The following GPC6 variants were observed in gnomAD, a reference collection of about 807,000 sequenced individuals.
The protein encoded by GPC6 is glypican-6.
GPC6 carries 14 observed loss-of-function variants against 55.2 expected under a neutral mutation model. That is an observed-to-expected ratio of 0.25 (90% confidence interval 0.17 to 0.40). GPC6 has a LOEUF of 0.40. Ranked by LOEUF, GPC6 falls within the 10% of genes least tolerant of loss-of-function variation. GPC6 has a pLI of 1.00. For missense variants in GPC6, 641 were observed against 708.5 expected (o/e 0.90, Z 1.08); for synonymous variants, 278 against 259.6 (o/e 1.07, Z -0.68).
intron 3 of GPC6, among the ~76,000 whole-genome samples, chr13:93,932,999 G>A (rs1186460806): frequency 1.9e-5 from 2 of 107,304 alleles, no homozygotes; most frequent in South Asian, 6.3e-4. Flanking sequence ...TTTTTCTGGA[G>A]TTTCTAAAGG....
At chr13:93,833,116 A>T (rs1439348665) in intron 3 of GPC6, among the ~76,000 whole-genome samples, 42 of 53,646 alleles carry the variant, frequency 7.8e-4, no homozygotes, top group African/African-American at 5.8e-3. Context: ...ATAGAGAGAG[A>T]GAGAGAGAGA....
At chr13:94,327,443 AGCTGT>A (rs1877183051) in intron 6 of GPC6, among the ~76,000 whole-genome samples, 1 of 152,072 alleles carries the variant, frequency 6.6e-6, no homozygotes, top group Non-Finnish European at 1.5e-5. Context: ...TCTACCTCAC[AGCTGT>A]GGCTTCTCTC....
intron 1 of GPC6, among the ~76,000 whole-genome samples, chr13:93,383,208 C>CA (rs1196172543): frequency 5.9e-5 from 9 of 152,098 alleles, no homozygotes; most frequent in Admixed American, 2.0e-4. Context: ...ATCTGAAAAA[C>CA]AAATCTCCAT....
intron 6 of GPC6, among the ~76,000 whole-genome samples, chr13:94,311,569 C>T (rs2139118403): frequency 6.6e-6 from 1 of 152,322 alleles, no homozygotes. Context: ...GTGCAGCACA[C>T]CTGTGACATC....
intron 3 of GPC6, among the ~76,000 whole-genome samples, chr13:93,928,905 G>GGT (rs1878007348): frequency 8.4e-6 from 1 of 119,622 alleles, no homozygotes; most frequent in Non-Finnish European, 1.7e-5. Flanking sequence ...CTATATAGTA[G>GGT]GTGTGTGTGT....
At chr13:93,726,172 T>TA (rs1883633308) in intron 2 of GPC6, among the ~76,000 whole-genome samples, 1 of 147,378 alleles carries the variant, frequency 6.8e-6, no homozygotes, top group Admixed American at 6.9e-5. Flanking sequence ...AATGCCCACT[T>TA]ATGGAGGCTA....
intron 5 of GPC6, among the ~76,000 whole-genome samples, chr13:94,286,818 C>T (rs1251438413): frequency 2.6e-5 from 4 of 152,158 alleles, no homozygotes; most frequent in Non-Finnish European, 4.4e-5. Flanking sequence ...TGCACACCCT[C>T]GCCCTGTTCT....
chr13:93,926,921 T>A (rs1877890026), intron 3 of GPC6, among the ~76,000 whole-genome samples: 1 of 152,160 alleles, frequency 6.6e-6, no homozygotes, highest in Non-Finnish European at 1.5e-5. Context: ...AGTGAGCCCA[T>A]TGCTAATGAT....
intron 1 of GPC6, among the ~76,000 whole-genome samples, chr13:93,462,221 C>T (rs1878717094): frequency 6.6e-6 from 1 of 152,094 alleles, no homozygotes; most frequent in Non-Finnish European, 1.5e-5. Context: ...AAGATTCCAT[C>T]CTTCATCATC....
At chr13:93,457,444 T>C (rs1438489207) in intron 1 of GPC6, among the ~76,000 whole-genome samples, 1 of 152,176 alleles carries the variant, frequency 6.6e-6, no homozygotes, top group Non-Finnish European at 1.5e-5. Flanking sequence ...TAATGTAGGT[T>C]ATTCTGTGAT....
At chr13:93,848,455 C>T (rs1248070343) in intron 3 of GPC6, among the ~76,000 whole-genome samples, 1 of 152,090 alleles carries the variant, frequency 6.6e-6, no homozygotes, top group Non-Finnish European at 1.5e-5. Context: ...CTGTTGCCAC[C>T]TTAAGGCAAC....
At chr13:93,417,796 A>G (rs1022628951) in intron 1 of GPC6, among the ~76,000 whole-genome samples, 1 of 152,102 alleles carries the variant, frequency 6.6e-6, no homozygotes, top group Non-Finnish European at 1.5e-5. Context: ...AAAAATCTAT[A>G]TATGGATAAA....
chr13:94,024,790 CA>C (rs1160569153), intron 3 of GPC6, among the ~76,000 whole-genome samples: 1 of 152,038 alleles, frequency 6.6e-6, no homozygotes. Context: ...TGAATGCAAT[CA>C]ATAGCCTTTG....
At chr13:93,417,562 A>G (rs776598128) in intron 1 of GPC6, among the ~76,000 whole-genome samples, 4 of 152,066 alleles carry the variant, frequency 2.6e-5, no homozygotes, top group Non-Finnish European at 5.9e-5. Flanking sequence ...TTCTTTCATG[A>G]AATAACCAAA....
At chr13:93,265,228 A>C (rs563708452) in intron 1 of GPC6, among the ~76,000 whole-genome samples, 1 of 152,364 alleles carries the variant, frequency 6.6e-6, no homozygotes, top group South Asian at 2.1e-4. Flanking sequence ...GAGCTGCCAT[A>C]AACTTTAAAG....
chr13:94,272,709 C>A (rs976655529), intron 4 of GPC6, among the ~76,000 whole-genome samples: 3 of 151,972 alleles, frequency 2.0e-5, no homozygotes, highest in African/African-American at 7.3e-5. Context: ...ACCTCATAAT[C>A]CGCCCACCTT....
intron 3 of GPC6, among the ~76,000 whole-genome samples, chr13:93,910,433 A>C (rs1876906285): frequency 6.6e-6 from 1 of 152,056 alleles, no homozygotes; most frequent in African/African-American, 2.4e-5. Context: ...CTTTATTAGC[A>C]GCATGAGAAC....
intron 4 of GPC6, among the ~76,000 whole-genome samples, chr13:94,148,365 A>AT (rs1452602053): frequency 6.6e-6 from 1 of 152,186 alleles, no homozygotes; most frequent in Non-Finnish European, 1.5e-5. Context: ...TTTGCTTATT[A>AT]AATGATTTTT....
rs187901964 is a variant in GPC6 at position 93,476,696 on chromosome 13, C to T, written c.161-68567C>T. ...GTAATTTTTCAAGGCATGTTGGTTA[C>T]TGCCTTTGCTTCAGCATTTTCTGCC... is the stretch of plus-strand genomic sequence containing the variant. On this transcript the variant is annotated intron_variant, in intron 1 of 8. Coordinates refer to ENST00000377047, the MANE Select transcript of GPC6 (RefSeq NM_005708.5). Among the ~76,000 whole-genome samples the T allele has an allele frequency of 3.8e-3, 585 of 152,264 alleles. 1 individual carries two copies. The highest frequency in any genetic ancestry group is 6.8e-3 in the Middle Eastern group (2 of 294).
Sources: allele counts gnomAD v4.1 joint callset (sites outside exome capture counted in the v4.1 genomes callset), GRCh38; gene constraint gnomAD v4.1.1; transcripts MANE v1.5; gene names NCBI Gene and HGNC (gene_info 2026-07-23, HGNC 2026-07-21).